The following PIK3AP1 variants were observed in gnomAD, a reference collection of about 807,000 sequenced individuals.
PIK3AP1 encodes the protein phosphoinositide 3-kinase adapter protein 1.
In PIK3AP1, 21 loss-of-function variants were observed where a neutral mutation model predicts 88.1. That is an observed-to-expected ratio of 0.24 (90% confidence interval 0.17 to 0.34). PIK3AP1 has a LOEUF of 0.34. PIK3AP1 is among the 10% of genes least tolerant of loss of function. PIK3AP1 has a pLI of 1.00. For synonymous variants in PIK3AP1, 398 were observed against 400.0 expected (o/e 1.00, Z 0.06); for missense variants, 828 against 1,035.7 (o/e 0.80, Z 2.75).
At chr10:96,710,094 T>C (rs1301461883) in intron 1 of PIK3AP1, 111 bp from the exon 2 acceptor site, 2 of 1,083,102 alleles carry the variant, frequency 1.8e-6, no homozygotes, top group East Asian at 2.5e-5. Flanking sequence ...CCCACAATCT[T>C]TCGTGGTGTG....
intron 2 of PIK3AP1, among the ~76,000 whole-genome samples, chr10:96,671,173 C>T (rs1296120362): frequency 6.6e-6 from 1 of 152,208 alleles, no homozygotes; most frequent in African/African-American, 2.4e-5. Flanking sequence ...TCAGACCTGG[C>T]CTTGTGTCCA....
chr10:96,696,899 G>A (rs150624283), intron 2 of PIK3AP1, among the ~76,000 whole-genome samples: 127 of 152,278 alleles, frequency 8.3e-4, no homozygotes, highest in African/African-American at 2.8e-3. Context: ...ATATTAGATC[G>A]AGACCCAGTA....
At chr10:96,656,191 G>T (rs1031651871) in intron 3 of PIK3AP1, among the ~76,000 whole-genome samples, 1 of 152,184 alleles carries the variant, frequency 6.6e-6, no homozygotes, top group African/African-American at 2.4e-5. Context: ...GAAAAATAAA[G>T]AAAAACCATC....
At chr10:96,705,107 T>A (rs980796690) in intron 2 of PIK3AP1, among the ~76,000 whole-genome samples, 3 of 152,232 alleles carry the variant, frequency 2.0e-5, no homozygotes, top group Admixed American at 1.3e-4. Flanking sequence ...CTGGGACTTT[T>A]ACCATTTTAA....
At chr10:96,715,236 A>G (rs1402599720) in intron 1 of PIK3AP1, among the ~76,000 whole-genome samples, 1 of 152,182 alleles carries the variant, frequency 6.6e-6, no homozygotes, top group Non-Finnish European at 1.5e-5. Flanking sequence ...GGGCTATTCT[A>G]CAAAATAACT....
At chr10:96,603,795 T>C (rs1389897185) in intron 15 of PIK3AP1, 184 bp downstream of exon 15, 14 of 576,820 alleles carry the variant, frequency 2.4e-5, no homozygotes, top group Non-Finnish European at 4.2e-5. Context: ...TCCTCCTCCC[T>C]CCAGCCGCTG....
intron 8 of PIK3AP1, among the ~76,000 whole-genome samples, chr10:96,629,930 AAAGAAGAAG>A (rs61662185): frequency 7.3e-5 from 1 of 13,722 alleles, no homozygotes; most frequent in East Asian, 3.8e-3. Flanking sequence ...AAAAAAAAAA[AAAGAAGAAG>A]AAGAAGAAGA....
intron 8 of PIK3AP1, chr10:96,633,169 C>G: frequency 7.9e-7 from 1 of 1,262,900 alleles, no homozygotes; most frequent in South Asian, 1.6e-5. Context: ...AGAATGCTGT[C>G]CCTTTCAAGT....
At chr10:96,675,298 G>A (rs1356017410) in intron 2 of PIK3AP1, among the ~76,000 whole-genome samples, 2 of 152,164 alleles carry the variant, frequency 1.3e-5, no homozygotes, top group Admixed American at 6.5e-5. Context: ...GGGAAGGAAG[G>A]TTGGGTGGAA....
chr10:96,673,280 C>T lies in PIK3AP1; in HGVS notation c.431-16346G>A, dbSNP rs1270022226. ...CACCTCTATCCTGGATTCAGCGTCT[C>T]GGGCTGCATCTACCATGCACAGGCA... On this transcript the variant is annotated intron_variant, in intron 2 of 16. Transcript: ENST00000339364. Among the ~76,000 whole-genome samples the T allele has an allele frequency of 4.6e-5, 7 of 152,180 alleles. 1 individual carries two copies. Among genetic ancestry groups the T allele is most frequent in the South Asian group, 2.1e-4 (1 of 4,830 alleles).
At chr10:96,606,709 C>G (rs1258538597) in intron 14 of PIK3AP1, among the ~76,000 whole-genome samples, 1 of 152,232 alleles carries the variant, frequency 6.6e-6, no homozygotes, top group Non-Finnish European at 1.5e-5. Context: ...GGACAAGCAT[C>G]TAACGCCATG....
chr10:96,613,663 C>T (rs956477467), intron 13 of PIK3AP1, among the ~76,000 whole-genome samples: 6 of 152,138 alleles, frequency 3.9e-5, no homozygotes, highest in Non-Finnish European at 5.9e-5. Flanking sequence ...TTTAGACTGT[C>T]GCTACTGGTG....
chr10:96,701,868 AG>A (rs1295846778), intron 2 of PIK3AP1, among the ~76,000 whole-genome samples: 1 of 152,218 alleles, frequency 6.6e-6, no homozygotes, highest in African/African-American at 2.4e-5. Flanking sequence ...TAGAACTTAC[AG>A]GGGTTTTTTT....
At chr10:96,631,364 C>T (rs1843242272) in intron 8 of PIK3AP1, among the ~76,000 whole-genome samples, 1 of 152,140 alleles carries the variant, frequency 6.6e-6, no homozygotes, top group Non-Finnish European at 1.5e-5. Context: ...TTTTCACTAA[C>T]AACGTTCAAT....
intron 2 of PIK3AP1, among the ~76,000 whole-genome samples, chr10:96,673,272 C>T (rs549225987): frequency 6.6e-6 from 1 of 152,344 alleles, no homozygotes; most frequent in South Asian, 2.1e-4. Context: ...ATCCTGGATT[C>T]AGCGTCTCGG....
intron 2 of PIK3AP1, among the ~76,000 whole-genome samples, chr10:96,677,627 A>AC (rs1843942892): frequency 2.7e-5 from 4 of 149,054 alleles, no homozygotes; most frequent in Non-Finnish European, 3.0e-5. Context: ...ACACACACAC[A>AC]AAAGGCCTTT....
chr10:96,602,239 T>C (rs1333838072), intron 16 of PIK3AP1, 41 bp downstream of exon 16: 1 of 1,478,834 alleles, frequency 6.8e-7, no homozygotes. Flanking sequence ...CCCCTAGGAT[T>C]CAGAGATAAG....
At chr10:96,664,018 T>C (rs928211454) in intron 2 of PIK3AP1, among the ~76,000 whole-genome samples, 4 of 152,220 alleles carry the variant, frequency 2.6e-5, no homozygotes, top group Non-Finnish European at 5.9e-5. Context: ...CTGCACAATC[T>C]TTCTGGAAAG....
At chr10:96,689,256 C>T (rs192428754) in intron 2 of PIK3AP1, among the ~76,000 whole-genome samples, 12 of 152,090 alleles carry the variant, frequency 7.9e-5, no homozygotes, top group Non-Finnish European at 1.2e-4. Context: ...TAATCCTTAC[C>T]GATGCCTCTT....
Sources: allele counts gnomAD v4.1 joint callset (sites outside exome capture counted in the v4.1 genomes callset), GRCh38; gene constraint gnomAD v4.1.1; transcripts MANE v1.5; gene names NCBI Gene and HGNC (gene_info 2026-07-23, HGNC 2026-07-21).